RFX7: variants seen among roughly 807,000 people sequenced by gnomAD.
RFX7 encodes DNA-binding protein RFX7.
RFX7 carries 26 observed loss-of-function variants against 111.8 expected under a neutral mutation model. That is an observed-to-expected ratio of 0.23 (90% CI 0.17 to 0.32). The LOEUF is 0.32. RFX7 is among the 10% of genes least tolerant of loss of function. The pLI is 1.00. For synonymous variants in RFX7, 624 were observed against 624.4 expected (o/e 1.00, Z 0.01); for missense variants, 1,573 against 1,772.9 (o/e 0.89, Z 2.02).
At chr15:56,222,565 T>C (rs2043438720) in intron 2 of RFX7, among the ~76,000 whole-genome samples, 1 of 152,230 alleles carries the variant, frequency 6.6e-6, no homozygotes, top group Admixed American at 6.5e-5. Context: ...TTAACTTCAG[T>C]GAAGTTTTCT....
At chr15:56,110,310 A>G (rs1185389929) in intron 5 of RFX7, among the ~76,000 whole-genome samples, 8 of 11,146 alleles carry the variant, frequency 7.2e-4, no homozygotes, top group Non-Finnish European at 1.3e-3. Flanking sequence ...CCCGTCCGGG[A>G]GGGAGGTGGG....
intron 5 of RFX7, among the ~76,000 whole-genome samples, chr15:56,105,339 T>TAA (rs554774886): frequency 8.0e-4 from 122 of 152,318 alleles, no homozygotes; most frequent in Non-Finnish European, 1.6e-3. Context: ...TTCATCACAC[T>TAA]AAGTTCAAGC....
intron 3 of RFX7, among the ~76,000 whole-genome samples, chr15:56,172,667 C>T (rs2042857990): frequency 6.6e-6 from 1 of 152,078 alleles, no homozygotes; most frequent in Non-Finnish European, 1.5e-5. Context: ...AAGGCAACTT[C>T]CTATTTTCTC....
chr15:56,103,690 C>G lies in RFX7; in HGVS notation c.402-20G>C. On this transcript the variant is annotated intron_variant, in intron 5 of 9. Transcript: ENST00000559447. The stretch of plus-strand genomic sequence containing the variant: ...TAGCTCCTGCAAAAGAAGGAAGGAC[C>G]AATTTAGAGTGACAGAATTCAGAAT... 7.1e-7 allele frequency: 1 copy of G among 1,410,350 alleles called. No homozygotes were observed. Among genetic ancestry groups the G allele is most frequent in the South Asian group, 1.2e-5 (1 of 80,136 alleles). 87.4% of individuals were successfully genotyped at this position (1,410,350 alleles called of 1,614,324 possible).
chr15:56,152,455 T>C (rs1486025340), intron 3 of RFX7, among the ~76,000 whole-genome samples: 2 of 152,182 alleles, frequency 1.3e-5, no homozygotes, highest in African/African-American at 2.4e-5. Context: ...GAATGACTAC[T>C]GGGTAAATAA....
chr15:56,110,243 AG>A (rs1286827295), intron 5 of RFX7, among the ~76,000 whole-genome samples: 1 of 93,826 alleles, frequency 1.1e-5, no homozygotes, highest in African/African-American at 3.9e-5. Context: ...CTGCCCGGCC[AG>A]CCGCCCCGTC....
At chr15:56,233,115 T>C (rs1358104010) in intron 2 of RFX7, among the ~76,000 whole-genome samples, 2 of 152,190 alleles carry the variant, frequency 1.3e-5, no homozygotes, top group African/African-American at 2.4e-5. Flanking sequence ...TTTCACACCG[T>C]TGATAAAGAC....
At chr15:56,224,001 G>A (rs76976731) in intron 2 of RFX7, among the ~76,000 whole-genome samples, 21 of 150,744 alleles carry the variant, frequency 1.4e-4, no homozygotes, top group East Asian at 5.9e-4. Context: ...AAATCCTGGC[G>A]TAATTTAAAA....
rs2041596128 is a variant in RFX7 at position 56,091,601 on chromosome 15, A to G, written c.*1744T>C. ...CATCATTTGTCAGGAGAAATCACAC[A>G]GTTTCCTTTGGGTATTGCATACTTT... On this transcript the variant is annotated 3_prime_UTR_variant, in exon 10 of 10. Transcript: ENST00000559447. 6.6e-6 allele frequency: 1 copy of G among 152,332 alleles called. No homozygotes were observed. Among genetic ancestry groups the G allele is most frequent in the African/African-American group, 2.4e-5 (1 of 41,440 alleles). The allele number at this position is 152,332 out of a possible 1,614,324, so 9.4% of individuals were successfully genotyped here. A position where few individuals can be genotyped will look rare whatever the true frequency, so the allele number is the denominator to read the frequency against.
intron 3 of RFX7, among the ~76,000 whole-genome samples, chr15:56,165,253 C>T (rs1280599514): frequency 6.6e-6 from 1 of 152,100 alleles, no homozygotes; most frequent in Admixed American, 6.5e-5. Flanking sequence ...CTGGGGAACC[C>T]CTGTTTTAAA....
At chr15:56,209,684 T>C (rs1266646748) in intron 2 of RFX7, among the ~76,000 whole-genome samples, 1 of 152,070 alleles carries the variant, frequency 6.6e-6, no homozygotes, top group Non-Finnish European at 1.5e-5. Flanking sequence ...AGGCAGGAAT[T>C]AGGATTATTT....
At chr15:56,131,980 C>T (rs1362535814) in intron 5 of RFX7, among the ~76,000 whole-genome samples, 1 of 151,822 alleles carries the variant, frequency 6.6e-6, no homozygotes, top group Non-Finnish European at 1.5e-5. Context: ...CATATTTATT[C>T]ATTTTTTCAT....
intron 3 of RFX7, among the ~76,000 whole-genome samples, chr15:56,157,084 G>A (rs572105458): frequency 1.3e-4 from 20 of 152,140 alleles, no homozygotes; most frequent in Admixed American, 3.9e-4. Flanking sequence ...CTAAATATGC[G>A]GATATTTATC....
intron 3 of RFX7, among the ~76,000 whole-genome samples, chr15:56,152,122 C>T (rs2042578099): frequency 1.3e-5 from 2 of 151,986 alleles, no homozygotes. Context: ...ACTTTAACAC[C>T]CCACTGTCAA....
chr15:56,180,177 C>T (rs79020376), intron 2 of RFX7, among the ~76,000 whole-genome samples: 323 of 152,096 alleles, frequency 2.1e-3, no homozygotes, highest in Non-Finnish European at 3.3e-3. Context: ...TGGTTATTTG[C>T]CTTTGTATGT....
At chr15:56,141,855 T>C (rs1434745622) in intron 5 of RFX7, among the ~76,000 whole-genome samples, 1 of 151,638 alleles carries the variant, frequency 6.6e-6, no homozygotes, top group African/African-American at 2.4e-5. Context: ...CTAGAGTCCT[T>C]CAGTTTAACT....
chr15:56,163,683 A>T (rs541458671), intron 3 of RFX7, among the ~76,000 whole-genome samples: 1 of 152,188 alleles, frequency 6.6e-6, no homozygotes, highest in Middle Eastern at 3.2e-3. Flanking sequence ...AGAAGGCAAC[A>T]TGTTTTACAC....
chr15:56,102,089 A>G, intron 7 of RFX7, 80 bp downstream of exon 7: 1 of 1,049,202 alleles, frequency 9.5e-7, no homozygotes, highest in Non-Finnish European at 1.4e-6. Flanking sequence ...GCTTAACCAA[A>G]TGAGACTTTG....
intron 3 of RFX7, among the ~76,000 whole-genome samples, chr15:56,155,747 A>AG (rs1327159176): frequency 5.3e-5 from 8 of 152,290 alleles, no homozygotes; most frequent in Admixed American, 2.0e-4. Context: ...CATGTAACCC[A>AG]GAACTTAAAA....
Sources: gnomAD v4.1 joint callset for allele counts (sites outside exome capture counted in the v4.1 genomes callset) on GRCh38, gnomAD v4.1.1 for gene constraint, MANE v1.5 for transcripts, NCBI Gene and HGNC (gene_info 2026-07-23, HGNC 2026-07-21) for gene names.